Variants in UBE3B observed in about 807,000 individuals in gnomAD.
UBE3B encodes the protein ubiquitin protein ligase E3B.
In UBE3B, 80 loss-of-function variants were observed where a neutral mutation model predicts 132.3. The observed-to-expected ratio is 0.60, with a 90% CI of 0.50 to 0.73. The LOEUF is 0.73. UBE3B is among the 30% of genes least tolerant of loss of function. The probability of loss-of-function intolerance (pLI) is 0.00; values close to 1 mark genes in which losing one functional copy is unlikely to be tolerated. For synonymous variants in UBE3B, 487 were observed against 520.4 expected (o/e 0.94, Z 0.87); for missense variants, 1,196 against 1,362.5 (o/e 0.88, Z 1.92).
chr12:109,501,442 T>A lies in UBE3B; in HGVS notation c.1190T>A (p.Phe397Tyr). The change falls in exon 13 of 28, where the codon TTC becomes TAC. Residue 397 changes from phenylalanine to tyrosine, a missense_variant. Coordinates refer to ENST00000342494, the MANE Select transcript of UBE3B (RefSeq NM_130466.4). ...FLWGVPLIRIFFCDILSKKLL... is the reference protein window; with the variant it reads ...FLWGVPLIRIYFCDILSKKLL... ...TGGGGGGTGCCTCTGATCCGGATCTTCTTCTGTGACATCCTGAGCAAGAAG... is the reference window on the plus strand; with the variant it reads ...TGGGGGGTGCCTCTGATCCGGATCTACTTCTGTGACATCCTGAGCAAGAAG... The A allele has an allele frequency of 6.2e-7, 1 of 1,614,134 alleles. No individual in the cohort carries two copies. Among genetic ancestry groups the A allele is most frequent in the Non-Finnish European group, 8.5e-7 (1 of 1,180,022 alleles).
chr12:109,487,165 G>A (rs373533946), intron 6 of UBE3B, among the ~76,000 whole-genome samples: 8 of 152,118 alleles, frequency 5.3e-5, no homozygotes, highest in African/African-American at 1.4e-4. Context: ...AAAAATCCAG[G>A]TTTCTTGTAG....
chr12:109,506,269 TG>T (rs1271416725), intron 14 of UBE3B, among the ~76,000 whole-genome samples: 2 of 152,238 alleles, frequency 1.3e-5, no homozygotes, highest in African/African-American at 4.8e-5. Flanking sequence ...AGACTACTGT[TG>T]GGGGGCCAAA....
downstream of UBE3B, among the ~76,000 whole-genome samples, chr12:109,537,180 G>A (rs1883484669): frequency 2.0e-5 from 3 of 152,190 alleles, no homozygotes; most frequent in South Asian, 6.2e-4. Context: ...ATCAACGGAT[G>A]TTGAACAAAC....
rs775331033 is a variant in UBE3B at position 109,484,007 on chromosome 12, T to G, written c.282+26T>G. The G allele has an allele frequency of 2.5e-6, 4 of 1,588,872 alleles. No individual in the cohort carries two copies. In the Admixed American group the frequency reaches 7.0e-5, roughly 28 times the overall value. On this transcript the variant is annotated intron_variant, in intron 4 of 27. Coordinates refer to ENST00000342494, the MANE Select transcript of UBE3B (RefSeq NM_130466.4). ...GTAAAACGATAATAGCAAACATGTA[T>G]AATACTTCCATATGTCAGATCTTTT...
intron 13 of UBE3B, 87 bp from the exon 14 acceptor site, chr12:109,502,936 G>A: frequency 6.5e-7 from 1 of 1,543,518 alleles, no homozygotes; most frequent in Non-Finnish European, 8.9e-7. Context: ...TGCATTTAGA[G>A]CTTTACTGAA....
At chr12:109,508,483 T>A in intron 15 of UBE3B, 1 of 982,278 alleles carries the variant, frequency 1.0e-6, no homozygotes, top group Non-Finnish European at 1.2e-6. Flanking sequence ...TTTAAGCTTA[T>A]GCATCTTGTG....
intron 19 of UBE3B, among the ~76,000 whole-genome samples, chr12:109,518,319 A>G (rs1442730475): frequency 6.6e-6 from 1 of 152,184 alleles, no homozygotes; most frequent in East Asian, 1.9e-4. Context: ...CAGACCTGCC[A>G]TGTGACGAGG....
In UBE3B at chr12:109,511,218, G is replaced by T; in HGVS notation, c.1871G>T (p.Ser624Ile). The T allele has an allele frequency of 6.2e-7, 1 of 1,614,046 alleles. No homozygotes were observed. Among genetic ancestry groups the T allele is most frequent in the Non-Finnish European group, 8.5e-7 (1 of 1,179,984 alleles). Reference protein sequence around the residue: ...DHWLRKDLKPSVLFQELDRDR... With the variant: ...DHWLRKDLKPIVLFQELDRDR... ...TTCTTCTCAAGGGATCTCAAACCTAGCGTGCTCTTCCAAGAACTCGACAGG... is the reference window on the plus strand; with the variant it reads ...TTCTTCTCAAGGGATCTCAAACCTATCGTGCTCTTCCAAGAACTCGACAGG... The change falls in exon 18 of 28, where the codon AGC becomes ATC. Residue 624 changes from serine (S) to isoleucine (I), a missense_variant. Transcript: ENST00000342494.
intron 12 of UBE3B, among the ~76,000 whole-genome samples, chr12:109,500,846 C>T (rs55735873): frequency 0.048 from 7,234 of 152,266 alleles, 269 homozygotes; most frequent in Non-Finnish European, 0.066. Flanking sequence ...TCAGGGGTGG[C>T]GGCTATTAAC....
At chr12:109,539,839 A>G (rs1883572364), downstream of UBE3B, among the ~76,000 whole-genome samples, 1 of 152,102 alleles carries the variant, frequency 6.6e-6, no homozygotes, top group East Asian at 1.9e-4. Flanking sequence ...CCGAGCTTCC[A>G]TTATGCACTG....
chr12:109,483,861 G>C lies in UBE3B; in HGVS notation c.162G>C (p.Arg54Ser). The change falls in exon 4 of 28, where the codon AGG becomes AGC. Residue 54 changes from arginine to serine, a missense_variant and splice_region_variant. Coordinates refer to ENST00000342494, the MANE Select transcript of UBE3B (RefSeq NM_130466.4). ...TCTTTTTTTGCACTTTCTTTTCTAGGAGAGAGATTGATGACTTTTTTAAAG... is the reference window on the plus strand; with the variant it reads ...TCTTTTTTTGCACTTTCTTTTCTAGCAGAGAGATTGATGACTTTTTTAAAG... ...LCRSRLQRDIRREIDDFFKAD... is the reference protein window; with the variant it reads ...LCRSRLQRDISREIDDFFKAD... 1 of 1,609,726 alleles carries C rather than the reference G, an allele frequency of 6.2e-7. No homozygotes were observed.
chr12:109,500,165 G>A (rs949268256), intron 12 of UBE3B, among the ~76,000 whole-genome samples: 8 of 151,956 alleles, frequency 5.3e-5, no homozygotes, highest in Admixed American at 2.6e-4. Flanking sequence ...GCCATATTTT[G>A]GAGATGCTAA....
chr12:109,494,781 CA>C (rs142331810), intron 9 of UBE3B, among the ~76,000 whole-genome samples: 2,424 of 152,252 alleles, frequency 0.016, 73 homozygotes, highest in Admixed American at 0.07. Flanking sequence ...CACACCCCTC[CA>C]AACATTGAGG....
At chr12:109,528,240 G>A in intron 24 of UBE3B, 1 of 731,170 alleles carries the variant, frequency 1.4e-6, no homozygotes, top group Non-Finnish European at 1.7e-6. Flanking sequence ...TATGAGTGTT[G>A]GATGTTTCCC....
intron 10 of UBE3B, 115 bp downstream of exon 10, chr12:109,498,038 C>T: frequency 7.4e-7 from 1 of 1,343,740 alleles, no homozygotes; most frequent in Non-Finnish European, 1.0e-6. Context: ...TTTAATTGTT[C>T]TTTGGGACCA....
In UBE3B at chr12:109,535,145, A is replaced by G. The variant is rs1194993291; in HGVS notation, c.*363A>G. 1 of 182,696 alleles carries G rather than the reference A, an allele frequency of 5.5e-6. No individual in the cohort carries two copies. The highest frequency in any genetic ancestry group is 2.3e-5 in the African/African-American group (1 of 42,746). The allele number at this position is 182,696 out of a possible 1,614,324, so 11.3% of individuals were successfully genotyped here. ...GTATGAACAAGTCCCAGGAGTTCCA[A>G]GAGTCTAGAGTGGTTTTTGCAGCAT... On this transcript the variant is annotated 3_prime_UTR_variant, in exon 28 of 28. Transcript: ENST00000342494.
chr12:109,520,853 G>T, intron 19 of UBE3B: 1 of 274,584 alleles, frequency 3.6e-6, no homozygotes, highest in Non-Finnish European at 6.9e-6. Flanking sequence ...TTTGTCTGAT[G>T]GCCAGGAGCT....
intron 21 of UBE3B, 121 bp from the exon 22 acceptor site, chr12:109,523,857 T>G: frequency 7.0e-7 from 1 of 1,429,332 alleles, no homozygotes; most frequent in East Asian, 2.3e-5. Flanking sequence ...ATTGGAAACT[T>G]AGGAGGGGCC....
At chr12:109,484,343 C>T (rs1204514005) in intron 4 of UBE3B, among the ~76,000 whole-genome samples, 5 of 152,206 alleles carry the variant, frequency 3.3e-5, no homozygotes, top group African/African-American at 1.2e-4. Flanking sequence ...GGGTCTGTGG[C>T]CTGCCCCATC....
Sources: allele counts gnomAD v4.1 joint callset (sites outside exome capture counted in the v4.1 genomes callset), GRCh38; gene constraint gnomAD v4.1.1; transcripts MANE v1.5; gene names NCBI Gene and HGNC (gene_info 2026-07-23, HGNC 2026-07-21).